Variants in SORCS3 observed in about 807,000 individuals in gnomAD.
The protein encoded by SORCS3 is VPS10 domain-containing receptor SorCS3.
A neutral mutation model predicts 146.3 loss-of-function variants in SORCS3; 57 were observed. The ratio of observed to expected loss-of-function variants is 0.39; its 90% CI spans 0.31 to 0.49. The LOEUF (loss-of-function observed/expected upper bound fraction) is 0.49. SORCS3 is among the 20% of genes least tolerant of loss of function. The pLI, the probability that SORCS3 is intolerant of heterozygous loss-of-function variation, is 0.92. For missense variants in SORCS3, 1,341 were observed against 1,575.5 expected (o/e 0.85, Z 2.52); for synonymous variants, 653 against 618.5 (o/e 1.06, Z -0.83).
chr10:104,723,967 C>A (rs2016586647), intron 1 of SORCS3, among the ~76,000 whole-genome samples: 1 of 152,122 alleles, frequency 6.6e-6, no homozygotes, highest in South Asian at 2.1e-4. Context: ...AGCATTTAGC[C>A]CATTTTCATT....
chr10:104,655,459 A>G (rs957705341), intron 1 of SORCS3, among the ~76,000 whole-genome samples: 3 of 152,078 alleles, frequency 2.0e-5, no homozygotes, highest in Non-Finnish European at 2.9e-5. Flanking sequence ...CTTTGTGTTC[A>G]TGAGTTCTCA....
chr10:104,964,215 A>G (rs1370215100), intron 3 of SORCS3, among the ~76,000 whole-genome samples: 3 of 152,218 alleles, frequency 2.0e-5, no homozygotes, highest in Admixed American at 2.0e-4. Flanking sequence ...TGATAAAGCC[A>G]GAGTCCTTAT....
intron 3 of SORCS3, among the ~76,000 whole-genome samples, chr10:104,961,214 C>A: frequency 6.6e-6 from 1 of 152,240 alleles, no homozygotes; most frequent in South Asian, 2.1e-4. Context: ...AAGCAACAAA[C>A]GCCTTGGATG....
chr10:105,161,605 C>T (rs1458158385), intron 11 of SORCS3, among the ~76,000 whole-genome samples: 1 of 152,088 alleles, frequency 6.6e-6, no homozygotes, highest in Non-Finnish European at 1.5e-5. Context: ...TGGCAATTGC[C>T]TTTTGCAAGC....
intron 1 of SORCS3, among the ~76,000 whole-genome samples, chr10:104,734,805 T>C (rs1589478059): frequency 6.6e-6 from 1 of 152,198 alleles, no homozygotes; most frequent in East Asian, 1.9e-4. Context: ...TGATCCTAGC[T>C]AAGGAACTTT....
chr10:105,023,325 C>T (rs1420793318), intron 4 of SORCS3, among the ~76,000 whole-genome samples: 2 of 152,128 alleles, frequency 1.3e-5, no homozygotes, highest in Non-Finnish European at 2.9e-5. Flanking sequence ...TTTTAATCCC[C>T]CAATTCCTGT....
intron 1 of SORCS3, among the ~76,000 whole-genome samples, chr10:104,749,229 GTGT>G (rs1589484020): frequency 1.6e-4 from 10 of 62,090 alleles, no homozygotes; most frequent in African/African-American, 6.6e-4. Flanking sequence ...AGTATAGGGT[GTGT>G]GTGTGTGTGT....
intron 3 of SORCS3, among the ~76,000 whole-genome samples, chr10:104,956,402 C>T (rs2019490411): frequency 1.3e-5 from 2 of 152,202 alleles, no homozygotes; most frequent in Admixed American, 1.3e-4. Flanking sequence ...CCAAGGGACT[C>T]TTGTCCTTAC....
intron 4 of SORCS3, among the ~76,000 whole-genome samples, chr10:105,036,002 G>C (rs1017417490): frequency 6.6e-6 from 1 of 151,942 alleles, no homozygotes; most frequent in African/African-American, 2.4e-5. Context: ...CCTTCTACTT[G>C]AATCCTTTAG....
chr10:104,722,452 G>A (rs1589472757), intron 1 of SORCS3, among the ~76,000 whole-genome samples: 2 of 152,010 alleles, frequency 1.3e-5, no homozygotes, highest in Non-Finnish European at 2.9e-5. Flanking sequence ...TTTTTGTTGT[G>A]TCTCACCCTG....
At chr10:104,793,683 A>T (rs1233210739) in intron 1 of SORCS3, among the ~76,000 whole-genome samples, 1 of 152,208 alleles carries the variant, frequency 6.6e-6, no homozygotes, top group Non-Finnish European at 1.5e-5. Context: ...GAACCAGGAC[A>T]GTGACACAGA....
chr10:104,938,281 G>GGAAT (rs2019279603), intron 3 of SORCS3, among the ~76,000 whole-genome samples: 1 of 152,130 alleles, frequency 6.6e-6, no homozygotes, highest in African/African-American at 2.4e-5. Context: ...TGGTCAGGGA[G>GGAAT]GAATGTTTTT....
At chr10:104,729,682 A>G (rs2016684170) in intron 1 of SORCS3, among the ~76,000 whole-genome samples, 1 of 152,228 alleles carries the variant, frequency 6.6e-6, no homozygotes, top group African/African-American at 2.4e-5. Flanking sequence ...TTCAGAAGGT[A>G]TTAGGTGTCA....
intron 20 of SORCS3, among the ~76,000 whole-genome samples, chr10:105,232,526 T>G (rs953144534): frequency 2.0e-5 from 3 of 151,990 alleles, no homozygotes; most frequent in Non-Finnish European, 4.4e-5. Flanking sequence ...ATTTCCTATT[T>G]TCAGTTTCAT....
intron 20 of SORCS3, among the ~76,000 whole-genome samples, chr10:105,239,681 G>A (rs1399945488): frequency 6.6e-6 from 1 of 152,214 alleles, no homozygotes; most frequent in Admixed American, 6.5e-5. Context: ...AGACAGAGAA[G>A]TCAATCAGCT....
At position 104,641,565 on chromosome 10, in the gene SORCS3, G is replaced by C. The variant is rs776422713; in HGVS notation, c.238G>C (p.Val80Leu). ...GCTGGCGTCGGCGCGGAGAGCCGCC[G>C]TGCTGGGGCGCCGGGCCGGACCAGA... ...EELASARRAA[V>L]LGRRAGPELL... The change falls in exon 1 of 27, where the codon GTG becomes CTG. Residue 80 changes from valine to leucine, a missense_variant. Val to Leu is a conservative substitution (Grantham distance 32, BLOSUM62 1). Coordinates refer to ENST00000369701, the MANE Select transcript of SORCS3 (RefSeq NM_014978.3). This position sits in a 1 kb window ranked among gnomAD's most constrained non-coding sequence, Gnocchi z 6.4. 4.7e-4 allele frequency: 694 copies of C among 1,474,896 alleles called. No homozygotes were observed. The highest frequency in any genetic ancestry group is 5.8e-4 in the Non-Finnish European group (657 of 1,123,298). 91.4% of individuals were successfully genotyped at this position (1,474,896 alleles called of 1,614,324 possible).
intron 2 of SORCS3, among the ~76,000 whole-genome samples, chr10:104,875,392 TG>T (rs1378586345): frequency 6.6e-6 from 1 of 152,198 alleles, no homozygotes; most frequent in African/African-American, 2.4e-5. Context: ...TATGTGACCA[TG>T]GACAAGTTAC....
Position 105,005,753 on chromosome 10 carries a change from C to T in SORCS3, c.954+28260C>T, listed in dbSNP as rs150067539. ...TCCCTTCATGATCTCATCCAGCTCT[C>T]AGTTATACCACTTATTTGTCCTAAT... On this transcript the variant is annotated intron_variant, in intron 4 of 26. Transcript: ENST00000369701. Among the ~76,000 whole-genome samples the T allele has an allele frequency of 5.2e-3, 793 of 152,286 alleles. 7 individuals carry two copies. The highest frequency in any genetic ancestry group is 0.018 in the African/African-American group (756 of 41,558).
At chr10:105,083,754 A>T (rs1347632741) in intron 5 of SORCS3, among the ~76,000 whole-genome samples, 3 of 152,178 alleles carry the variant, frequency 2.0e-5, no homozygotes, top group East Asian at 3.8e-4. Flanking sequence ...AGTGACTTCC[A>T]GTTCATGTAG....
Sources: allele counts gnomAD v4.1 joint callset (sites outside exome capture counted in the v4.1 genomes callset), GRCh38; gene constraint gnomAD v4.1.1; non-coding constraint Gnocchi (gnomAD v3.1); transcripts MANE v1.5; gene names NCBI Gene and HGNC (gene_info 2026-07-23, HGNC 2026-07-21).